Variants in SPOCK1 observed in about 807,000 individuals in gnomAD.
SPOCK1 encodes the protein testican-1.
Under a neutral mutation model 55.3 loss-of-function variants are expected in SPOCK1, and 23 were observed. The observed-to-expected ratio is 0.42, with a 90% confidence interval of 0.30 to 0.59. SPOCK1 has a LOEUF of 0.59. Among genes scored for constraint, SPOCK1 ranks in the 20% least tolerant of loss-of-function variants. The probability of loss-of-function intolerance (pLI) is 0.22; values close to 1 mark genes in which losing one functional copy is unlikely to be tolerated. For missense variants in SPOCK1, 499 were observed against 552.5 expected, an observed-to-expected ratio of 0.90 and a Z score of 0.97; for synonymous variants, 226 against 221.0, an observed-to-expected ratio of 1.02 and a Z score of -0.20.
At chr5:137,464,888 A>G (rs1753568310) in intron 2 of SPOCK1, among the ~76,000 whole-genome samples, 1 of 152,204 alleles carries the variant, frequency 6.6e-6, no homozygotes, top group Admixed American at 6.5e-5. Flanking sequence ...TAAATTATCC[A>G]GGAGAGATTA....
chr5:137,417,560 C>T (rs960823930), intron 2 of SPOCK1, among the ~76,000 whole-genome samples: 13 of 152,106 alleles, frequency 8.5e-5, no homozygotes, highest in Non-Finnish European at 1.8e-4. Context: ...CAGGCACTCA[C>T]TGATCTCATT....
At chr5:137,120,356 A>C (rs1753662840) in intron 4 of SPOCK1, among the ~76,000 whole-genome samples, 1 of 152,212 alleles carries the variant, frequency 6.6e-6, no homozygotes, top group Non-Finnish European at 1.5e-5. Flanking sequence ...AATCAGGCCC[A>C]CCAGAAGGAT....
chr5:137,113,722 T>A (rs538514436), intron 4 of SPOCK1, among the ~76,000 whole-genome samples: 1 of 152,304 alleles, frequency 6.6e-6, no homozygotes, highest in East Asian at 1.9e-4. Flanking sequence ...ATTATTACAA[T>A]TATTACTTGC....
chr5:137,365,521 T>A (rs977582415), intron 2 of SPOCK1: 3 of 152,244 alleles, frequency 2.0e-5, no homozygotes, highest in African/African-American at 7.2e-5. Flanking sequence ...ACACCAATGC[T>A]GGGGCAAACC....
At chr5:137,292,494 G>T (rs536954971) in intron 2 of SPOCK1, among the ~76,000 whole-genome samples, 17 of 130,200 alleles carry the variant, frequency 1.3e-4, no homozygotes, top group Admixed American at 6.6e-4. Flanking sequence ...AGACCAAAAT[G>T]CTGGGGCAGC....
chr5:137,067,249 C>T (rs1752526215), intron 6 of SPOCK1, among the ~76,000 whole-genome samples: 1 of 152,194 alleles, frequency 6.6e-6, no homozygotes, highest in Admixed American at 6.5e-5. Context: ...CATCTGTCCC[C>T]TGGCTCTGTG....
chr5:137,297,500 C>A (rs1757511127), intron 2 of SPOCK1, among the ~76,000 whole-genome samples: 2 of 152,292 alleles, frequency 1.3e-5, no homozygotes, highest in African/African-American at 2.4e-5. Flanking sequence ...TTCCTTTATG[C>A]CTTTCTATAG....
At chr5:137,423,881 G>A (rs543053844) in intron 2 of SPOCK1, among the ~76,000 whole-genome samples, 2 of 152,182 alleles carry the variant, frequency 1.3e-5, no homozygotes, top group Non-Finnish European at 2.9e-5. Context: ...CGCTCACACT[G>A]GGAGCTGTAG....
intron 2 of SPOCK1, among the ~76,000 whole-genome samples, chr5:137,360,210 ACACAGGT>A (rs1750911875): frequency 6.6e-6 from 1 of 152,218 alleles, no homozygotes; most frequent in Non-Finnish European, 1.5e-5. Context: ...AAAAACAAAC[ACACAGGT>A]AACAAGGCAA....
intron 6 of SPOCK1, among the ~76,000 whole-genome samples, chr5:137,024,316 G>GGA (rs1554093473): frequency 7.1e-6 from 1 of 139,954 alleles, no homozygotes; most frequent in Admixed American, 7.0e-5. Flanking sequence ...CAGTTTGAAG[G>GGA]GGGGGGGGTA....
At chr5:137,145,703 T>C (rs550008552) in intron 3 of SPOCK1, among the ~76,000 whole-genome samples, 2 of 152,268 alleles carry the variant, frequency 1.3e-5, no homozygotes, top group South Asian at 2.1e-4. Context: ...CCGTTGAACA[T>C]AGGAGACAGG....
chr5:137,241,414 C>A (rs1756278975), intron 3 of SPOCK1, among the ~76,000 whole-genome samples: 1 of 152,142 alleles, frequency 6.6e-6, no homozygotes, highest in Admixed American at 6.5e-5. Context: ...GAAAGATGGG[C>A]AAAGGACATG....
At chr5:137,472,425 G>T (rs1753755100) in intron 2 of SPOCK1, among the ~76,000 whole-genome samples, 1 of 151,816 alleles carries the variant, frequency 6.6e-6, no homozygotes. Context: ...GAGATCACAT[G>T]TTTTTCCTAT....
chr5:137,328,672 A>G (rs1371612460), intron 2 of SPOCK1, among the ~76,000 whole-genome samples: 3 of 152,156 alleles, frequency 2.0e-5, no homozygotes, highest in African/African-American at 4.8e-5. Flanking sequence ...CCTCAAAACA[A>G]TCCTAAGGAG....
At chr5:137,005,180 A>T (rs4976337) in intron 6 of SPOCK1, among the ~76,000 whole-genome samples, 1 of 151,996 alleles carries the variant, frequency 6.6e-6, no homozygotes, top group Non-Finnish European at 1.5e-5. Context: ...TTTTTATAGG[A>T]GGCCATCTGT....
intron 6 of SPOCK1, among the ~76,000 whole-genome samples, chr5:137,033,450 G>A (rs543779762): frequency 6.6e-6 from 1 of 152,298 alleles, no homozygotes; most frequent in East Asian, 1.9e-4. Flanking sequence ...CAGCCCCCAA[G>A]GAAATGCAGG....
chr5:137,431,059 C>A (rs1215840938), intron 2 of SPOCK1, among the ~76,000 whole-genome samples: 2 of 152,214 alleles, frequency 1.3e-5, no homozygotes, highest in Admixed American at 1.3e-4. Flanking sequence ...GGGGCTGTAA[C>A]AGCCACCCCA....
At chr5:137,492,410 G>A (rs1374698314) in intron 2 of SPOCK1, among the ~76,000 whole-genome samples, 1 of 152,154 alleles carries the variant, frequency 6.6e-6, no homozygotes, top group African/African-American at 2.4e-5. Context: ...ACCAACATAG[G>A]AGCAGGGAGA....
intron 8 of SPOCK1, among the ~76,000 whole-genome samples, chr5:136,987,030 T>C (rs1343905881): frequency 2.7e-5 from 4 of 149,190 alleles, no homozygotes; most frequent in African/African-American, 4.9e-5. Context: ...ACAACTGTGA[T>C]TTAAAAGTCT....
Sources: gnomAD v4.1 joint callset for allele counts (sites outside exome capture counted in the v4.1 genomes callset) on GRCh38, gnomAD v4.1.1 for gene constraint, MANE v1.5 for transcripts, NCBI Gene and HGNC (gene_info 2026-07-23, HGNC 2026-07-21) for gene names.